Variants in PLCE1 observed in about 807,000 individuals in gnomAD.
PLCE1 encodes 1-phosphatidylinositol 4,5-bisphosphate phosphodiesterase epsilon-1.
PLCE1 carries 119 observed loss-of-function variants against 242.8 expected under a neutral mutation model. That is an observed-to-expected ratio of 0.49 (90% CI 0.42 to 0.57). The LOEUF is 0.57. Ranked by LOEUF, PLCE1 falls within the 20% of genes least tolerant of loss-of-function variation. PLCE1 has a pLI of 0.00. For missense variants in PLCE1, 2,441 were observed against 2,788.8 expected (o/e 0.88, Z 2.81); for synonymous variants, 945 against 1,017.4 (o/e 0.93, Z 1.35).
intron 9 of PLCE1, among the ~76,000 whole-genome samples, 174 bp from the exon 10 acceptor site, chr10:94,254,016 T>C (rs1457661458): frequency 6.6e-6 from 1 of 152,142 alleles, no homozygotes; most frequent in Non-Finnish European, 1.5e-5. Flanking sequence ...AAAGAACAAC[T>C]GAAATAATAT....
At position 94,298,781 on chromosome 10, in the gene PLCE1, G is replaced by A. The variant is rs1270604507; in HGVS notation, c.5458+112G>A. 2.8e-6 allele frequency: 3 copies of A among 1,060,356 alleles called. No homozygotes were observed. The African/African-American group carries it at 4.7e-5, about 16-fold the overall frequency. 65.7% of individuals were successfully genotyped at this position (1,060,356 alleles called of 1,614,324 possible). A position where few individuals can be genotyped will look rare whatever the true frequency, so the allele number is the denominator to read the frequency against. ...TTCCAGACTGGGGCACACCATATGTGAGAGTAAAAATATGATGATGGAAAA... is the reference window on the plus strand; with the variant it reads ...TTCCAGACTGGGGCACACCATATGTAAGAGTAAAAATATGATGATGGAAAA... On this transcript the variant is annotated intron_variant, in intron 24 of 32. Transcript: ENST00000371380. This position sits in a 1 kb window ranked among gnomAD's most constrained non-coding sequence, Gnocchi z 5.2.
intron 29 of PLCE1, among the ~76,000 whole-genome samples, chr10:94,320,403 TAATTA>T (rs1393385941): frequency 1.2e-4 from 19 of 152,338 alleles, no homozygotes; most frequent in Admixed American, 9.8e-4. Flanking sequence ...ATTGCAAAGT[TAATTA>T]AATGATTGGG....
rs1163439871 is a variant in PLCE1, at chr10:94,306,371, T to C, written c.5623-56T>C. ...AGAGGGAAGCAGTGAGGTGCAGAGG[T>C]TGTCTTTCTTTTTTATCCTCGGTGA... On this transcript the variant is annotated intron_variant, in intron 25 of 32. Transcript: ENST00000371380. The surrounding 1 kb of genome is among the most constrained non-coding windows in gnomAD (Gnocchi z 5.7). 9 of 1,613,544 alleles carry C rather than the reference T, an allele frequency of 5.6e-6. No individual in the cohort carries two copies. The highest frequency in any genetic ancestry group is 7.6e-6 in the Non-Finnish European group (9 of 1,179,766).
chr10:94,086,089 A>G (rs1235558392), intron 2 of PLCE1, among the ~76,000 whole-genome samples: 1 of 152,136 alleles, frequency 6.6e-6, no homozygotes, highest in Non-Finnish European at 1.5e-5. Context: ...GCTCACAGTG[A>G]GCAGGCAGGC....
chr10:94,315,749 GAC>G (rs2053545402), intron 28 of PLCE1, among the ~76,000 whole-genome samples: 1 of 136,440 alleles, frequency 7.3e-6, no homozygotes, highest in Admixed American at 7.9e-5. Flanking sequence ...CAGCCTGGGC[GAC>G]AGAGGGAGAC....
At chr10:94,125,538 A>G (rs939406618) in intron 2 of PLCE1, among the ~76,000 whole-genome samples, 4 of 151,998 alleles carry the variant, frequency 2.6e-5, no homozygotes, top group Non-Finnish European at 5.9e-5. Flanking sequence ...GACTACAGAC[A>G]CCTAGCGCCT....
intron 3 of PLCE1, among the ~76,000 whole-genome samples, chr10:94,163,273 A>T (rs1292853472): frequency 2.0e-5 from 3 of 152,066 alleles, no homozygotes; most frequent in Non-Finnish European, 2.9e-5. Context: ...GTCTCCCATT[A>T]TTATTGTGTG....
intron 2 of PLCE1, among the ~76,000 whole-genome samples, chr10:94,078,493 A>AT (rs111933840): frequency 0.059 from 8,501 of 145,098 alleles, 596 homozygotes; most frequent in African/African-American, 0.16. Flanking sequence ...CTTTTTGCTC[A>AT]TTTTTTTTTT....
At chr10:94,327,007 C>CAACA (rs1200172457) in intron 32 of PLCE1, among the ~76,000 whole-genome samples, 1 of 151,402 alleles carries the variant, frequency 6.6e-6, no homozygotes, top group Non-Finnish European at 1.5e-5. Context: ...AAAAATACAA[C>CAACA]AACAGTTAGC....
intron 1 of PLCE1, among the ~76,000 whole-genome samples, chr10:93,997,103 T>C (rs1462963368): frequency 1.3e-5 from 2 of 152,214 alleles, no homozygotes; most frequent in Admixed American, 6.5e-5. Context: ...AATTAACGCA[T>C]TTAATTTTTA....
chr10:94,083,366 G>T lies in PLCE1; in HGVS notation c.1207-48808G>T, dbSNP rs181889339. On this transcript the variant is annotated intron_variant, in intron 2 of 32. Coordinates refer to ENST00000371380, the MANE Select transcript of PLCE1 (RefSeq NM_016341.4). Reference sequence around the variant, plus strand: ...CTGTATTCTGATGTATAAAGGTGTCGGTCGTTTTCATCAGCCCATTTTTTT... The same window carrying T: ...CTGTATTCTGATGTATAAAGGTGTCTGTCGTTTTCATCAGCCCATTTTTTT... Among the ~76,000 whole-genome samples, 212 of 152,230 alleles carry T rather than the reference G, an allele frequency of 1.4e-3. 2 individuals are homozygous for T. The highest frequency in any genetic ancestry group is 4.2e-3 in the African/African-American group (175 of 41,540).
chr10:94,131,363 C>T (rs952713217), intron 2 of PLCE1, among the ~76,000 whole-genome samples: 11 of 152,168 alleles, frequency 7.2e-5, no homozygotes, highest in African/African-American at 2.7e-4. Flanking sequence ...GTGTCTGCTG[C>T]CCCTCACACT....
intron 2 of PLCE1, among the ~76,000 whole-genome samples, chr10:94,087,137 C>T (rs1438631105): frequency 6.6e-6 from 1 of 152,074 alleles, no homozygotes; most frequent in East Asian, 2.0e-4. Context: ...TACTTGAGCC[C>T]AGGAGTTCGA....
At chr10:94,244,360 T>C (rs553171783) in intron 7 of PLCE1, among the ~76,000 whole-genome samples, 1 of 152,326 alleles carries the variant, frequency 6.6e-6, no homozygotes, top group South Asian at 2.1e-4. Flanking sequence ...CTCACCACTT[T>C]GCTGGTGATG....
intron 3 of PLCE1, among the ~76,000 whole-genome samples, chr10:94,143,735 ATAT>A (rs2047037987): frequency 6.6e-6 from 1 of 152,238 alleles, no homozygotes; most frequent in Non-Finnish European, 1.5e-5. Flanking sequence ...CTAATTACAG[ATAT>A]TATACTATCA....
At chr10:94,000,673 T>C (rs1470258391) in intron 1 of PLCE1, among the ~76,000 whole-genome samples, 1 of 152,190 alleles carries the variant, frequency 6.6e-6, no homozygotes, top group Non-Finnish European at 1.5e-5. Context: ...CTTCTACTGC[T>C]CTCTGAATGG....
chr10:94,187,511 C>G (rs1258823185), intron 4 of PLCE1, among the ~76,000 whole-genome samples: 1 of 152,130 alleles, frequency 6.6e-6, no homozygotes, highest in Non-Finnish European at 1.5e-5. Flanking sequence ...TACTTGGGTA[C>G]TGGATACCCG....
chr10:94,259,144 G>A lies in PLCE1; in HGVS notation c.3808G>A (p.Asp1270Asn), dbSNP rs1348884857. The A allele has an allele frequency of 3.1e-6, 5 of 1,614,108 alleles. No individual in the cohort carries two copies. Among genetic ancestry groups the A allele is most frequent in the Non-Finnish European group, 4.2e-6 (5 of 1,179,980 alleles). ...IDENTSDLQP[D>N]LDLLTRNVSD... ...TGAAAACACCAGCGATCTTCAGCCTGACCTAGGTTTGTTGAACATTTTAGG... is the reference window on the plus strand; with the variant it reads ...TGAAAACACCAGCGATCTTCAGCCTAACCTAGGTTTGTTGAACATTTTAGG... Residue 1270 changes from aspartate (D) to asparagine (N), a missense_variant, in exon 13 of 33, where the codon GAC becomes AAC. Asp to Asn is a conservative substitution (Grantham distance 23). Around this residue, in one of 5 missense-constraint regions of PLCE1, gnomAD observed 1,004 missense variants for 1,322.7 expected, o/e 0.76. Transcript: ENST00000371380.
intron 2 of PLCE1, chr10:94,108,649 GC>G (rs977851398): frequency 3.9e-5 from 6 of 152,124 alleles, no homozygotes; most frequent in African/African-American, 1.4e-4. Flanking sequence ...TCCACCCCCT[GC>G]TTCCCCTGCT....
Sources: allele counts gnomAD v4.1 joint callset (sites outside exome capture counted in the v4.1 genomes callset), GRCh38; gene constraint gnomAD v4.1.1; regional missense constraint gnomAD v4.1.1; non-coding constraint Gnocchi (gnomAD v3.1); transcripts MANE v1.5; gene names NCBI Gene and HGNC (gene_info 2026-07-23, HGNC 2026-07-21).